The following CHD2 variants were observed in gnomAD, a reference collection of about 807,000 sequenced individuals.
The protein encoded by CHD2 is chromodomain helicase DNA binding protein 2.
Under a neutral mutation model 243.9 loss-of-function variants are expected in CHD2, and 28 were observed. That is an observed-to-expected ratio of 0.11 (90% CI 0.09 to 0.16). CHD2 has a LOEUF of 0.16. Ranked by LOEUF, CHD2 falls within the 10% of genes least tolerant of loss-of-function variation. The pLI, the probability that CHD2 is intolerant of heterozygous loss-of-function variation, is 1.00. For synonymous variants in CHD2, 775 were observed against 779.0 expected (o/e 0.99, Z 0.09); for missense variants, 1,386 against 2,209.8 (o/e 0.63, Z 7.47).
rs1403545040 is a variant in CHD2 at position 93,014,876 on chromosome 15, A to C, written c.4873A>C (p.Asn1625His). 6.2e-7 allele frequency: 1 copy of C among 1,614,122 alleles called. No individual in the cohort carries two copies. The highest frequency in any genetic ancestry group is 1.1e-5 in the South Asian group (1 of 91,082). The part of the protein sequence containing the change: ...QMHGHPRDNY[N>H]HPNKRHFSNA... ...GCATGGACACCCAAGAGATAACTACAATCACCCCAACAAGAGACACTTCAG... is the reference window on the plus strand; with the variant it reads ...GCATGGACACCCAAGAGATAACTACCATCACCCCAACAAGAGACACTTCAG... The change falls in exon 37 of 39, where the codon AAT becomes CAT. Residue 1625 changes from asparagine (N) to histidine (H), a missense_variant. Asn to His is a moderately conservative substitution (Grantham distance 68, BLOSUM62 1). Around this residue, in one of 19 missense-constraint regions of CHD2, gnomAD observed 347 missense variants for 341.6 expected, o/e 1.02. Coordinates refer to ENST00000394196, the MANE Select transcript of CHD2 (RefSeq NM_001271.4).
intron 16 of CHD2, among the ~76,000 whole-genome samples, chr15:92,959,970 A>G (rs2053664311): frequency 6.6e-6 from 1 of 152,256 alleles, no homozygotes; most frequent in Admixed American, 6.5e-5. Flanking sequence ...CAGTTAAAGC[A>G]AAATTATTAA....
chr15:92,920,978 C>T (rs1001362112), intron 2 of CHD2, among the ~76,000 whole-genome samples: 2 of 151,942 alleles, frequency 1.3e-5, no homozygotes, highest in Non-Finnish European at 2.9e-5. Context: ...GCTGCCGGAG[C>T]TTTGGAGTGA....
At chr15:92,979,383 T>C (rs1390359193) in intron 22 of CHD2, 100 bp downstream of exon 22, 3 of 1,387,624 alleles carry the variant, frequency 2.2e-6, no homozygotes, top group Non-Finnish European at 2.9e-6. Context: ...GTCTGTTCAT[T>C]ACCTGGAAGA....
intron 13 of CHD2, 93 bp from the exon 14 acceptor site, chr15:92,953,264 T>C (rs995398649): frequency 6.4e-6 from 6 of 935,390 alleles, no homozygotes; most frequent in Admixed American, 2.2e-5. Context: ...TTGGCTGTTA[T>C]TGTGAAGCAT....
At chr15:92,901,069 T>G in intron 1 of CHD2, 98 bp from the exon 2 acceptor site, 1 of 645,618 alleles carries the variant, frequency 1.5e-6, no homozygotes, top group Non-Finnish European at 2.8e-6. Context: ...ACCGTTGTTG[T>G]GTTATAACAA....
At chr15:92,964,675 A>C (rs944661700) in intron 16 of CHD2, among the ~76,000 whole-genome samples, 1 of 152,230 alleles carries the variant, frequency 6.6e-6, no homozygotes, top group Non-Finnish European at 1.5e-5. Context: ...ATGACTAACC[A>C]TATTGGGAAT....
In CHD2 at chr15:92,941,950, A is replaced by AAGG; in HGVS notation, c.825_826+1dup. The AAGG allele has an allele frequency of 6.2e-7, 1 of 1,612,272 alleles. No homozygotes were observed. Among genetic ancestry groups the AAGG allele is most frequent in the Non-Finnish European group, 8.5e-7 (1 of 1,179,314 alleles). On this transcript the variant is annotated inframe_insertion, in exon 8 of 39. Transcript: ENST00000394196. ...GTCTTAGATTCAAGACTGGGAAAGA[A>AAGG]AGGAGGTATGTGTATTTGGGGAGCA...
At chr15:92,934,828 T>G (rs1334275358) in intron 5 of CHD2, among the ~76,000 whole-genome samples, 1 of 152,202 alleles carries the variant, frequency 6.6e-6, no homozygotes, top group Non-Finnish European at 1.5e-5. Context: ...TTTTAAACCT[T>G]GAGTTTTTCA....
intron 24 of CHD2, 123 bp from the exon 25 acceptor site, chr15:92,984,207 A>G: frequency 3.0e-6 from 2 of 676,282 alleles, no homozygotes; most frequent in Non-Finnish European, 4.3e-6. Context: ...TTATCTGATT[A>G]TGTAATATCA....
chr15:92,981,271 C>A, intron 23 of CHD2, 94 bp from the exon 24 acceptor site: 1 of 822,864 alleles, frequency 1.2e-6, no homozygotes, highest in Non-Finnish European at 2.0e-6. Context: ...TTATTTGCAC[C>A]AAACATTTTT....
At chr15:93,001,856 T>C (rs1265767440) in intron 32 of CHD2, among the ~76,000 whole-genome samples, 1 of 152,200 alleles carries the variant, frequency 6.6e-6, no homozygotes, top group Admixed American at 6.5e-5. Context: ...CCTAATCAGT[T>C]ATTAGCTGAC....
chr15:92,903,570 TTTAAA>T (rs879370361), intron 2 of CHD2, among the ~76,000 whole-genome samples: 5 of 122,034 alleles, frequency 4.1e-5, no homozygotes, highest in Admixed American at 2.4e-4. Flanking sequence ...AATTAAAAAC[TTTAAA>T]AAACGCGATT....
intron 17 of CHD2, among the ~76,000 whole-genome samples, chr15:92,969,094 A>C (rs987912348): frequency 6.6e-6 from 1 of 152,254 alleles, no homozygotes; most frequent in African/African-American, 2.4e-5. Context: ...AAAAGGGGAA[A>C]TAGTGTTACC....
At position 92,999,967 on chromosome 15, in the gene CHD2, A is replaced by G. The variant is rs915574449; in HGVS notation, c.4009-545A>G. 2.0e-5 allele frequency among the ~76,000 whole-genome samples: 3 copies of G among 152,170 alleles called. No individual in the cohort carries two copies. In the East Asian group the frequency reaches 5.8e-4, roughly 29 times the overall value. On this transcript the variant is annotated intron_variant, in intron 31 of 38. Transcript: ENST00000394196. ...TGTGGAATCAGTAGGTTTAAGGAAT[A>G]TGGATATTTTGGCTGGCAAGGTGGC...
chr15:92,985,149 T>C (rs1037186290), intron 25 of CHD2, among the ~76,000 whole-genome samples: 14 of 152,192 alleles, frequency 9.2e-5, no homozygotes, highest in East Asian at 5.8e-4. Context: ...CCATCTGTTA[T>C]AGGTACTATT....
At chr15:92,943,596 T>G (rs74811379) in intron 9 of CHD2, 1 of 161,666 alleles carries the variant, frequency 6.2e-6, no homozygotes, top group Non-Finnish European at 1.4e-5. Flanking sequence ...GGTTAACTAC[T>G]GAAACTGTGA....
intron 2 of CHD2, among the ~76,000 whole-genome samples, chr15:92,909,111 CAAAAAAA>C (rs780137728): frequency 1.8e-4 from 23 of 124,728 alleles, no homozygotes; most frequent in African/African-American, 6.6e-4. Context: ...ACAGGGTGAC[CAAAAAAA>C]AAAAAAGAAA....
At chr15:92,948,649 T>C (rs2053508881) in intron 12 of CHD2, among the ~76,000 whole-genome samples, 1 of 152,060 alleles carries the variant, frequency 6.6e-6, no homozygotes, top group African/African-American at 2.4e-5. Context: ...CTGGCTAGCA[T>C]GGTGAAACCC....
Position 93,000,517 on chromosome 15 carries a change from A to G in CHD2, c.4014A>G (p.Lys1338=). 1 of 1,607,430 alleles carries G rather than the reference A, an allele frequency of 6.2e-7. No homozygotes were observed. The highest frequency in any genetic ancestry group is 8.5e-7 in the Non-Finnish European group (1 of 1,177,628). Residue 1338 remains lysine, a synonymous_variant, in exon 32 of 39, where the codon AAA becomes AAG. Coordinates refer to ENST00000394196, the MANE Select transcript of CHD2 (RefSeq NM_001271.4). The stretch of plus-strand genomic sequence containing the variant: ...CATTTTCTCTCCTTTTCCAGGCCAA[A>G]TTAAAGAAGCGGAAGCCTCGGGTAA... ...KGAVTGGEEA[K]LKKRKPRVKK...
Sources: allele counts gnomAD v4.1 joint callset (sites outside exome capture counted in the v4.1 genomes callset), GRCh38; gene constraint gnomAD v4.1.1; regional missense constraint gnomAD v4.1.1; transcripts MANE v1.5; gene names NCBI Gene and HGNC (gene_info 2026-07-23, HGNC 2026-07-21).